The following TBC1D22A variants were observed in gnomAD, a reference collection of about 807,000 sequenced individuals.
TBC1D22A encodes the protein TBC1 domain family member 22A.
A neutral mutation model predicts 60.2 loss-of-function variants in TBC1D22A; 38 were observed. That is an observed-to-expected ratio of 0.63 (90% confidence interval 0.49 to 0.83). TBC1D22A has a LOEUF of 0.83. TBC1D22A is among the 40% of genes least tolerant of loss of function. The probability of loss-of-function intolerance (pLI) is 0.00; values close to 1 mark genes in which losing one functional copy is unlikely to be tolerated. For synonymous variants in TBC1D22A, 302 were observed against 281.7 expected (o/e 1.07, Z -0.72); for missense variants, 628 against 701.0 (o/e 0.90, Z 1.18).
At chr22:47,049,847 C>G (rs2063151276) in intron 11 of TBC1D22A, among the ~76,000 whole-genome samples, 1 of 152,168 alleles carries the variant, frequency 6.6e-6, no homozygotes, top group Non-Finnish European at 1.5e-5. Flanking sequence ...GTGCTTAAAG[C>G]TTTTTCTGTA....
intron 4 of TBC1D22A, among the ~76,000 whole-genome samples, chr22:46,797,939 A>G (rs527327487): frequency 1.3e-5 from 2 of 152,280 alleles, no homozygotes; most frequent in African/African-American, 4.8e-5. Flanking sequence ...TGGTGTGATC[A>G]TAGCTCACTG....
intron 11 of TBC1D22A, among the ~76,000 whole-genome samples, chr22:47,083,519 G>A (rs1344654013): frequency 6.6e-6 from 1 of 152,158 alleles, no homozygotes; most frequent in Non-Finnish European, 1.5e-5. Flanking sequence ...CAGGTAGTGA[G>A]GCTGAGGGGA....
intron 1 of TBC1D22A, among the ~76,000 whole-genome samples, chr22:46,776,871 A>G (rs1277516963): frequency 6.6e-6 from 1 of 152,100 alleles, no homozygotes; most frequent in African/African-American, 2.4e-5. Context: ...ACCTGAAGGC[A>G]TACGAGTTCT....
chr22:47,121,202 A>G (rs1035065404), intron 12 of TBC1D22A, among the ~76,000 whole-genome samples: 1 of 152,268 alleles, frequency 6.6e-6, no homozygotes, highest in Non-Finnish European at 1.5e-5. Flanking sequence ...TGCTCTCTCA[A>G]ATAAGCACCG....
intron 11 of TBC1D22A, among the ~76,000 whole-genome samples, chr22:47,095,694 C>T (rs548230934): frequency 1.3e-5 from 2 of 152,358 alleles, no homozygotes; most frequent in South Asian, 4.1e-4. Context: ...TTGAGCTTCT[C>T]TCAAACTCCA....
At chr22:46,976,625 C>T (rs2074307581) in intron 9 of TBC1D22A, among the ~76,000 whole-genome samples, 1 of 152,252 alleles carries the variant, frequency 6.6e-6, no homozygotes, top group Admixed American at 6.5e-5. Flanking sequence ...CCTTTTCCTA[C>T]TCTTGGTCTT....
intron 10 of TBC1D22A, among the ~76,000 whole-genome samples, chr22:47,019,731 G>C (rs2062018127): frequency 6.6e-6 from 1 of 151,958 alleles, no homozygotes; most frequent in South Asian, 2.1e-4. Context: ...GGTATGCTAG[G>C]ATGATCCATC....
At chr22:46,791,842 C>T (rs1050567639) in intron 1 of TBC1D22A, among the ~76,000 whole-genome samples, 1 of 152,206 alleles carries the variant, frequency 6.6e-6, no homozygotes, top group African/African-American at 2.4e-5. Context: ...CTGACTGCAA[C>T]CTCCGCCTCC....
intron 12 of TBC1D22A, among the ~76,000 whole-genome samples, chr22:47,126,018 G>T (rs1431782221): frequency 6.6e-6 from 1 of 152,118 alleles, no homozygotes; most frequent in Non-Finnish European, 1.5e-5. Context: ...GTCTCGCTCT[G>T]TCGGCCAGGT....
chr22:46,765,622 C>G (rs801638), intron 1 of TBC1D22A, among the ~76,000 whole-genome samples: 1 of 151,200 alleles, frequency 6.6e-6, no homozygotes, highest in African/African-American at 2.4e-5. Context: ...CCCACCAGCA[C>G]GCCTGTCTGT....
chr22:46,944,925 TTTTTC>T (rs1402233968), intron 8 of TBC1D22A, among the ~76,000 whole-genome samples: 1 of 152,236 alleles, frequency 6.6e-6, no homozygotes, highest in African/African-American at 2.4e-5. Context: ...ATGTAGATGA[TTTTTC>T]TTTTAAGATA....
At chr22:46,852,738 G>C (rs1409406869) in intron 4 of TBC1D22A, among the ~76,000 whole-genome samples, 1 of 152,172 alleles carries the variant, frequency 6.6e-6, no homozygotes, top group Non-Finnish European at 1.5e-5. Context: ...TCCTGCTTGA[G>C]CCTCCGTCTG....
intron 11 of TBC1D22A, among the ~76,000 whole-genome samples, chr22:47,062,066 C>T (rs1043059429): frequency 8.2e-6 from 1 of 121,728 alleles, no homozygotes; most frequent in Non-Finnish European, 1.6e-5. Context: ...CCAGCCTGGG[C>T]GACAGAGCAA....
intron 8 of TBC1D22A, among the ~76,000 whole-genome samples, chr22:46,956,396 T>C (rs1165565360): frequency 6.6e-6 from 1 of 152,222 alleles, no homozygotes; most frequent in Admixed American, 6.5e-5. Context: ...CCGTCCTGGC[T>C]AACACGGTGA....
chr22:46,886,512 A>T lies in TBC1D22A; in HGVS notation c.709-4754A>T, dbSNP rs1367061890. On this transcript the variant is annotated intron_variant, in intron 5 of 12. Coordinates refer to ENST00000337137, the MANE Select transcript of TBC1D22A (RefSeq NM_014346.5). ...ACCCGATGCCCTTTCTGCCAGGGCT[A>T]CTTGGAAATCACGCATCGTGAACCT... 2.0e-5 allele frequency among the ~76,000 whole-genome samples: 3 copies of T among 152,184 alleles called. No homozygotes were observed. The South Asian group carries it at 6.2e-4, about 32-fold the overall frequency.
In TBC1D22A at chr22:47,105,721, C is replaced by T. The variant is rs972629377; in HGVS notation, c.1330-5787C>T. Among the ~76,000 whole-genome samples the T allele has an allele frequency of 3.3e-5, 5 of 152,094 alleles. No individual in the cohort carries two copies. The South Asian group carries it at 1.0e-3, about 32-fold the overall frequency. On this transcript the variant is annotated intron_variant, in intron 11 of 12. Coordinates refer to ENST00000337137, the MANE Select transcript of TBC1D22A (RefSeq NM_014346.5). ...TTAATGTAGTCTGGGATAACAAGGC[C>T]CTCAGGCTCTAGAGAAGCAAATATA...
chr22:46,864,997 C>T (rs2066983292), intron 4 of TBC1D22A, among the ~76,000 whole-genome samples: 1 of 152,218 alleles, frequency 6.6e-6, no homozygotes, highest in South Asian at 2.1e-4. Context: ...CCAAGTCACC[C>T]AGCAATACCT....
At chr22:47,120,887 G>T (rs1212950432) in intron 12 of TBC1D22A, among the ~76,000 whole-genome samples, 1 of 152,186 alleles carries the variant, frequency 6.6e-6, no homozygotes, top group East Asian at 1.9e-4. Flanking sequence ...CCTAGCCCAA[G>T]AAAATGCCAG....
intron 4 of TBC1D22A, among the ~76,000 whole-genome samples, chr22:46,823,623 T>G (rs1261201606): frequency 2.0e-5 from 3 of 152,228 alleles, no homozygotes; most frequent in Non-Finnish European, 4.4e-5. Context: ...GAGGATTCAA[T>G]GAATTCATGG....
Sources: allele counts gnomAD v4.1 joint callset (sites outside exome capture counted in the v4.1 genomes callset), GRCh38; gene constraint gnomAD v4.1.1; transcripts MANE v1.5; gene names NCBI Gene and HGNC (gene_info 2026-07-23, HGNC 2026-07-21).